Variants in LHFPL6 observed in about 807,000 individuals in gnomAD.
LHFPL6 encodes LHFPL tetraspan subfamily member 6 protein.
A neutral mutation model predicts 20.6 loss-of-function variants in LHFPL6; 9 were observed. The ratio of observed to expected loss-of-function variants is 0.44; its 90% CI spans 0.26 to 0.76. The LOEUF is 0.76. Ranked by LOEUF, LHFPL6 falls within the 30% of genes least tolerant of loss-of-function variation. LHFPL6 has a pLI of 0.20. For synonymous variants in LHFPL6, 105 were observed against 98.7 expected (o/e 1.06, Z -0.38); for missense variants, 218 against 253.5 (o/e 0.86, Z 0.95).
chr13:39,454,044 G>A (rs1174675706), intron 2 of LHFPL6, among the ~76,000 whole-genome samples: 1 of 152,118 alleles, frequency 6.6e-6, no homozygotes, highest in Non-Finnish European at 1.5e-5. Context: ...ATTATTGATT[G>A]TTTTGGATGT....
intron 2 of LHFPL6, among the ~76,000 whole-genome samples, chr13:39,520,302 C>A (rs1870066171): frequency 1.3e-5 from 2 of 152,160 alleles, no homozygotes; most frequent in South Asian, 4.1e-4. Flanking sequence ...CAGCACAAAG[C>A]TACCCTGAGA....
At chr13:39,539,121 A>T (rs1251467627) in intron 2 of LHFPL6, among the ~76,000 whole-genome samples, 1 of 152,182 alleles carries the variant, frequency 6.6e-6, no homozygotes, top group Admixed American at 6.5e-5. Context: ...CGGCCCTTTC[A>T]ATTAAAAAAT....
At chr13:39,488,967 C>G (rs9566442) in intron 2 of LHFPL6, among the ~76,000 whole-genome samples, 1 of 151,996 alleles carries the variant, frequency 6.6e-6, no homozygotes, top group African/African-American at 2.4e-5. Context: ...AATAGAAAAC[C>G]GTCTGCTTTA....
intron 2 of LHFPL6, among the ~76,000 whole-genome samples, chr13:39,491,734 G>C (rs377654429): frequency 1.8e-4 from 27 of 152,160 alleles, no homozygotes; most frequent in African/African-American, 6.5e-4. Flanking sequence ...TGAGCCACCA[G>C]CCACATGCAG....
intron 2 of LHFPL6, among the ~76,000 whole-genome samples, chr13:39,565,328 A>G (rs1188211588): frequency 8.6e-6 from 1 of 116,520 alleles, no homozygotes; most frequent in Non-Finnish European, 1.7e-5. Flanking sequence ...AGGCAAAAAG[A>G]AAGGTTTTTT....
intron 2 of LHFPL6, among the ~76,000 whole-genome samples, chr13:39,510,985 G>A (rs1869681014): frequency 6.6e-6 from 1 of 151,794 alleles, no homozygotes; most frequent in Non-Finnish European, 1.5e-5. Flanking sequence ...CGATTCTCCT[G>A]CATCAGCTTC....
intron 2 of LHFPL6, among the ~76,000 whole-genome samples, chr13:39,404,821 T>C (rs886259891): frequency 2.0e-5 from 3 of 152,346 alleles, no homozygotes; most frequent in African/African-American, 7.2e-5. Context: ...TAGACTGTTT[T>C]ATTATCACAG....
At chr13:39,443,183 T>C (rs764762983) in intron 2 of LHFPL6, among the ~76,000 whole-genome samples, 2 of 151,874 alleles carry the variant, frequency 1.3e-5, no homozygotes, top group African/African-American at 2.4e-5. Context: ...ATTGCAGGAG[T>C]TGGTTCATGA....
At chr13:39,369,094 A>G (rs1164910040) in intron 3 of LHFPL6, among the ~76,000 whole-genome samples, 1 of 151,604 alleles carries the variant, frequency 6.6e-6, no homozygotes, top group Non-Finnish European at 1.5e-5. Flanking sequence ...TAAACTAATA[A>G]AAGGACAACA....
chr13:39,491,240 A>G (rs1267912024), intron 2 of LHFPL6, among the ~76,000 whole-genome samples: 2 of 152,198 alleles, frequency 1.3e-5, no homozygotes, highest in Non-Finnish European at 2.9e-5. Flanking sequence ...TGGGGATCAA[A>G]GAAGGACTCA....
At chr13:39,468,471 G>C (rs1026566249) in intron 2 of LHFPL6, among the ~76,000 whole-genome samples, 4 of 148,658 alleles carry the variant, frequency 2.7e-5, no homozygotes, top group Non-Finnish European at 6.0e-5. Context: ...TTGGTATTGA[G>C]CAGTTCCTGA....
At chr13:39,522,406 T>C (rs1169804594) in intron 2 of LHFPL6, among the ~76,000 whole-genome samples, 1 of 151,176 alleles carries the variant, frequency 6.6e-6, no homozygotes, top group Non-Finnish European at 1.5e-5. Context: ...GTTGTTAGCA[T>C]GGCCAAGTCC....
At chr13:39,369,605 C>CCCTCCCTCCTTCCTTCCT (rs1870112127) in intron 3 of LHFPL6, among the ~76,000 whole-genome samples, 1 of 39,530 alleles carries the variant, frequency 2.5e-5, no homozygotes, top group African/African-American at 1.0e-4. Context: ...CTTCCTCCCT[C>CCCTCCCTCCTTCCTTCCT]TCTCCCTCCC....
At chr13:39,483,048 T>C (rs1398588285) in intron 2 of LHFPL6, among the ~76,000 whole-genome samples, 1 of 152,232 alleles carries the variant, frequency 6.6e-6, no homozygotes, top group East Asian at 1.9e-4. Flanking sequence ...TATTTTACTG[T>C]TGCAATACTT....
At chr13:39,557,192 TAGA>T (rs1001514505) in intron 2 of LHFPL6, among the ~76,000 whole-genome samples, 1 of 152,056 alleles carries the variant, frequency 6.6e-6, no homozygotes, top group African/African-American at 2.4e-5. Context: ...CCCAGAAGCC[TAGA>T]AGGAGAAAGC....
At position 39,539,420 on chromosome 13, in the gene LHFPL6, G is replaced by A. The variant is rs184331121; in HGVS notation, c.385+61412C>T. On this transcript the variant is annotated intron_variant, in intron 2 of 3. Transcript: ENST00000379589. Reference sequence around the variant, plus strand: ...ATGAACCAAATCACCAGTGATCTCTGGTCCTGGAGCTGATTAGTACTTGAA... The same window carrying A: ...ATGAACCAAATCACCAGTGATCTCTAGTCCTGGAGCTGATTAGTACTTGAA... 7.2e-5 allele frequency among the ~76,000 whole-genome samples: 11 copies of A among 152,196 alleles called. No individual in the cohort carries two copies. In the East Asian group the frequency reaches 2.1e-3, roughly 29 times the overall value.
At chr13:39,423,776 C>A (rs971949204) in intron 2 of LHFPL6, among the ~76,000 whole-genome samples, 3 of 152,204 alleles carry the variant, frequency 2.0e-5, no homozygotes, top group African/African-American at 7.2e-5. Context: ...AGTGCCAGGG[C>A]ACACTGGACC....
rs543946152 is a variant in LHFPL6 at position 39,364,065 on chromosome 13, C to A, written c.484+14363G>T. ...GTGGGTCCACCATCACACATGCGAT[C>A]CATCATTGACTGAAACATCATTATG... On this transcript the variant is annotated intron_variant, in intron 3 of 3. Transcript: ENST00000379589. Among the ~76,000 whole-genome samples, 5 of 152,312 alleles carry A rather than the reference C, an allele frequency of 3.3e-5. No individual in the cohort carries two copies. The East Asian group carries it at 9.6e-4, about 29-fold the overall frequency.
At chr13:39,441,594 C>T (rs1195440647) in intron 2 of LHFPL6, among the ~76,000 whole-genome samples, 1 of 151,846 alleles carries the variant, frequency 6.6e-6, no homozygotes, top group African/African-American at 2.4e-5. Context: ...CCCCCTGCAG[C>T]CTTGACCTCC....
Sources: allele counts gnomAD v4.1 joint callset (sites outside exome capture counted in the v4.1 genomes callset), GRCh38; gene constraint gnomAD v4.1.1; transcripts MANE v1.5; gene names NCBI Gene and HGNC (gene_info 2026-07-23, HGNC 2026-07-21).